PDE10A: variants seen among roughly 807,000 people sequenced by gnomAD.
PDE10A encodes the protein cAMP and cAMP-inhibited cGMP 3',5'-cyclic phosphodiesterase 10A.
A neutral mutation model predicts 97.7 loss-of-function variants in PDE10A; 39 were observed. That is an observed-to-expected ratio of 0.40 (90% confidence interval 0.31 to 0.52). PDE10A has a LOEUF of 0.52. Among genes scored for constraint, PDE10A ranks in the 20% least tolerant of loss-of-function variants. The pLI, the probability that PDE10A is intolerant of heterozygous loss-of-function variation, is 0.56. For synonymous variants in PDE10A, 371 were observed against 376.8 expected (o/e 0.98, Z 0.18); for missense variants, 731 against 1,047.8 (o/e 0.70, Z 4.17).
intron 18 of PDE10A, among the ~76,000 whole-genome samples, chr6:165,370,045 C>T (rs1784114522): frequency 6.6e-6 from 1 of 151,966 alleles, no homozygotes; most frequent in Non-Finnish European, 1.5e-5. Flanking sequence ...ATTCTGTTAC[C>T]ACCAGGCCTG....
chr6:165,927,647 CATATATATATATATAT>C (rs71029572), intron 1 of PDE10A, among the ~76,000 whole-genome samples: 2 of 73,238 alleles, frequency 2.7e-5, no homozygotes, highest in African/African-American at 1.2e-4. Context: ...ATGAGAATGA[CATATATATATATATAT>C]ATATATATAT....
intron 1 of PDE10A, among the ~76,000 whole-genome samples, chr6:165,692,096 T>G (rs1279832984): frequency 1.3e-5 from 2 of 152,218 alleles, no homozygotes; most frequent in South Asian, 2.1e-4. Context: ...GTCACAGGGT[T>G]AATCCTCAAA....
chr6:165,864,339 G>A (rs1396354912), intron 1 of PDE10A, among the ~76,000 whole-genome samples: 1 of 152,138 alleles, frequency 6.6e-6, no homozygotes. Context: ...TAGAAGACAA[G>A]GTTCTAAAGG....
intron 1 of PDE10A, among the ~76,000 whole-genome samples, chr6:165,914,876 T>C (rs551853836): frequency 6.6e-6 from 1 of 152,314 alleles, no homozygotes; most frequent in East Asian, 1.9e-4. Flanking sequence ...CAGTCCCATA[T>C]TATCTCCCAA....
intron 2 of PDE10A, among the ~76,000 whole-genome samples, chr6:165,531,901 T>A (rs1428335929): frequency 6.6e-6 from 1 of 152,224 alleles, no homozygotes; most frequent in Non-Finnish European, 1.5e-5. Flanking sequence ...ACCATCTTCT[T>A]GCATTCTTAA....
intron 1 of PDE10A, among the ~76,000 whole-genome samples, chr6:165,608,208 C>A (rs1420934450): frequency 6.7e-6 from 1 of 149,820 alleles, no homozygotes; most frequent in African/African-American, 2.5e-5. Context: ...GTGTGCTGTA[C>A]CCATTAACTC....
intron 1 of PDE10A, among the ~76,000 whole-genome samples, chr6:165,787,479 G>C (rs1346059652): frequency 6.6e-6 from 1 of 152,126 alleles, no homozygotes; most frequent in Admixed American, 6.5e-5. Context: ...CAATTGGATG[G>C]GGACAGAGCA....
intron 17 of PDE10A, among the ~76,000 whole-genome samples, chr6:165,386,695 T>C (rs1288899625): frequency 6.6e-6 from 1 of 152,092 alleles, no homozygotes; most frequent in Non-Finnish European, 1.5e-5. Flanking sequence ...ACAAGCCTTT[T>C]ATCCTGCTTA....
intron 1 of PDE10A, among the ~76,000 whole-genome samples, chr6:165,807,804 C>G (rs748763310): frequency 6.6e-6 from 1 of 152,118 alleles, no homozygotes; most frequent in Non-Finnish European, 1.5e-5. Context: ...GCAACGATAA[C>G]TTTTTCAGTT....
chr6:165,963,470 C>A (rs984266755), intron 1 of PDE10A, among the ~76,000 whole-genome samples: 1 of 152,210 alleles, frequency 6.6e-6, no homozygotes, highest in Non-Finnish European at 1.5e-5. Flanking sequence ...GCTGTGCGAC[C>A]TTCTAGCCAT....
At chr6:165,387,970 ATCT>A (rs2128212627) in intron 17 of PDE10A, among the ~76,000 whole-genome samples, 1 of 152,326 alleles carries the variant, frequency 6.6e-6, no homozygotes, top group African/African-American at 2.4e-5. Context: ...GCTGTTCAAT[ATCT>A]TCTTGTTCAA....
intron 1 of PDE10A, among the ~76,000 whole-genome samples, chr6:165,706,794 T>C (rs1177368843): frequency 1.3e-5 from 2 of 152,214 alleles, no homozygotes; most frequent in African/African-American, 4.8e-5. Context: ...GGCTTATGAA[T>C]AACAGATTTA....
intron 1 of PDE10A, among the ~76,000 whole-genome samples, chr6:165,564,667 C>T (rs761263699): frequency 6.6e-6 from 1 of 152,152 alleles, no homozygotes; most frequent in African/African-American, 2.4e-5. Context: ...TTATACAATG[C>T]CTCTCCCATT....
intron 1 of PDE10A, among the ~76,000 whole-genome samples, chr6:165,898,981 C>G (rs148661286): frequency 2.5e-4 from 38 of 152,278 alleles, no homozygotes; most frequent in African/African-American, 8.9e-4. Flanking sequence ...CTTCGGGGAC[C>G]CCATCAAGGC....
chr6:165,401,634 C>A (rs1786672266), intron 13 of PDE10A, among the ~76,000 whole-genome samples: 1 of 152,022 alleles, frequency 6.6e-6, no homozygotes, highest in African/African-American at 2.4e-5. Context: ...ATAAAATAAT[C>A]TTCCTTAGTA....
rs113905480 is a variant in PDE10A, at chr6:165,645,374, C to G, written c.865+16573G>C. Among the ~76,000 whole-genome samples, 565 of 152,274 alleles carry G rather than the reference C, an allele frequency of 3.7e-3. 1 individual carries two copies. Among genetic ancestry groups the G allele is most frequent in the African/African-American group, 0.013 (527 of 41,550 alleles). On this transcript the variant is annotated intron_variant, in intron 1 of 21. Transcript: ENST00000539869. The stretch of plus-strand genomic sequence containing the variant: ...TCTCAAATGAACCACCTGTCCTTAT[C>G]TCAGGCTCTGTGGGCAAGGAAACCC...
In PDE10A at chr6:165,943,211, GA is replaced by G. The variant is rs1249429610; in HGVS notation, c.-615+44317del. Reference sequence around the variant, plus strand: ...AGAAAGAAAGAAAGAAAGAAAGAAAGAAAGAAAGAAAGAAAGAAAGAAAGAA... The same window carrying G: ...AGAAAGAAAGAAAGAAAGAAAGAAAGAAGAAAGAAAGAAAGAAAGAAAGAA... On this transcript the variant is annotated intron_variant, in intron 1 of 19. Transcript: ENST00000366882. Among the ~76,000 whole-genome samples, 117 of 75,232 alleles carry G rather than the reference GA, an allele frequency of 1.6e-3. 2 individuals are homozygous for G. The highest frequency in any genetic ancestry group is 2.1e-3 in the African/African-American group (33 of 15,360). The allele number at this position is 75,232 out of a possible 152,430, so 49.4% of individuals were successfully genotyped here.
At chr6:165,716,076 G>A (rs1282878005) in intron 1 of PDE10A, among the ~76,000 whole-genome samples, 2 of 152,196 alleles carry the variant, frequency 1.3e-5, no homozygotes, top group Admixed American at 6.5e-5. Flanking sequence ...GACCGCCTCA[G>A]AGTGTGTTCT....
intron 18 of PDE10A, among the ~76,000 whole-genome samples, chr6:165,377,056 T>TGATCATTAG (rs1396369749): frequency 6.6e-6 from 1 of 152,218 alleles, no homozygotes; most frequent in East Asian, 1.9e-4. Flanking sequence ...AAGTCTTAGA[T>TGATCATTAG]GATCATTAGC....
Sources: gnomAD v4.1 joint callset for allele counts (sites outside exome capture counted in the v4.1 genomes callset) on GRCh38, gnomAD v4.1.1 for gene constraint, MANE v1.5 for transcripts, NCBI Gene and HGNC (gene_info 2026-07-23, HGNC 2026-07-21) for gene names.